HTT: variants seen among roughly 807,000 people sequenced by gnomAD.
The protein encoded by HTT is huntington disease protein.
HTT carries 104 observed loss-of-function variants against 362.3 expected under a neutral mutation model. The ratio of observed to expected loss-of-function variants is 0.29; its 90% CI spans 0.24 to 0.34. HTT has a LOEUF of 0.34. HTT is among the 10% of genes least tolerant of loss of function. The pLI is 1.00. For synonymous variants in HTT, 1,577 were observed against 1,548.7 expected (o/e 1.02, Z -0.43); for missense variants, 3,301 against 3,928.6 (o/e 0.84, Z 4.27).
intron 57 of HTT, 124 bp downstream of exon 57, chr4:3,225,867 A>G (rs1188872428): frequency 1.5e-6 from 1 of 660,308 alleles, no homozygotes; most frequent in African/African-American, 1.8e-5. Context: ...CTTTTTTTTA[A>G]AAAAAAATTT....
At position 3,187,901 on chromosome 4, in the gene HTT, T is replaced by A. The variant is rs1212591374; in HGVS notation, c.5225+15T>A. The A allele has an allele frequency of 5.9e-6, 9 of 1,518,198 alleles. No homozygotes were observed. Among genetic ancestry groups the A allele is most frequent in the Non-Finnish European group, 8.2e-6 (9 of 1,095,894 alleles). The allele number at this position is 1,518,198 out of a possible 1,614,324, so 94.0% of individuals were successfully genotyped here. On this transcript the variant is annotated intron_variant, in intron 39 of 66. Coordinates refer to ENST00000355072, the MANE Select transcript of HTT (RefSeq NM_001388492.1). The stretch of plus-strand genomic sequence containing the variant: ...ACATTTTCAAGGTATGCTTTCTATC[T>A]GAGCCTATAACTAACCCATGCCTTT...
intron 60 of HTT, among the ~76,000 whole-genome samples, chr4:3,232,139 G>A (rs1240412678): frequency 6.6e-6 from 1 of 152,180 alleles, no homozygotes; most frequent in Non-Finnish European, 1.5e-5. Flanking sequence ...GGGAGGGGCC[G>A]TGTGGCGTTG....
chr4:3,115,184 C>A, intron 6 of HTT, 120 bp from the exon 7 acceptor site: 1 of 1,046,464 alleles, frequency 9.6e-7, no homozygotes, highest in Non-Finnish European at 1.4e-6. Flanking sequence ...TAGGAAAAGC[C>A]TCAAACTGTT....
Position 3,172,892 on chromosome 4 carries a change from A to AT in HTT, c.3943-9dup, listed in dbSNP as rs764628038. The AT allele has an allele frequency of 8.8e-6, 14 of 1,594,646 alleles. No homozygotes were observed. Reference sequence around the variant, plus strand: ...GTTCACGCCACATTGTTGATGCCTCATTTTTTTCACTGTAGTTGTTGAAGA... The same window carrying AT: ...GTTCACGCCACATTGTTGATGCCTCATTTTTTTTCACTGTAGTTGTTGAAGA... On this transcript the variant is annotated splice_polypyrimidine_tract_variant and intron_variant, in intron 30 of 66. Transcript: ENST00000355072.
chr4:3,200,076 A>G, intron 41 of HTT, 137 bp downstream of exon 41: 1 of 681,780 alleles, frequency 1.5e-6, no homozygotes. Context: ...TTTCTGCTGC[A>G]TATTAATATT....
intron 40 of HTT, among the ~76,000 whole-genome samples, chr4:3,192,280 GT>G (rs1719046532): frequency 6.6e-6 from 1 of 152,132 alleles, no homozygotes; most frequent in Non-Finnish European, 1.5e-5. Context: ...GTCTTGCTGT[GT>G]TGCCCAGGCG....
intron 6 of HTT, among the ~76,000 whole-genome samples, chr4:3,112,050 A>G (rs1714781069): frequency 6.6e-6 from 1 of 152,110 alleles, no homozygotes; most frequent in African/African-American, 2.4e-5. Context: ...TAGCTTCCGA[A>G]GTTTTGTTGA....
chr4:3,237,801 C>G (rs921078141), intron 64 of HTT, among the ~76,000 whole-genome samples: 1 of 152,136 alleles, frequency 6.6e-6, no homozygotes, highest in African/African-American at 2.4e-5. Context: ...GGTTGCTTTT[C>G]AGCACTGAAA....
At chr4:3,120,265 A>G (rs28634516) in intron 8 of HTT, among the ~76,000 whole-genome samples, 8,732 of 152,328 alleles carry the variant, frequency 0.057, 432 homozygotes, top group African/African-American at 0.13. Context: ...TTTATGGTGT[A>G]AGTATATTCC....
chr4:3,215,355 A>G (rs1317563430), intron 51 of HTT, 144 bp downstream of exon 51: 2 of 628,198 alleles, frequency 3.2e-6, no homozygotes, highest in Non-Finnish European at 5.6e-6. Flanking sequence ...CCTAGCTGTC[A>G]GGGAGGCTGT....
At chr4:3,165,182 T>A (rs528481612) in intron 29 of HTT, among the ~76,000 whole-genome samples, 2 of 152,338 alleles carry the variant, frequency 1.3e-5, no homozygotes, top group Non-Finnish European at 2.9e-5. Context: ...CTTATGAAGC[T>A]TAGTTTGGCT....
chr4:3,134,147 C>T (rs778601112), intron 18 of HTT, among the ~76,000 whole-genome samples: 2 of 152,104 alleles, frequency 1.3e-5, no homozygotes, highest in Non-Finnish European at 2.9e-5. Flanking sequence ...AGAGTTGAAA[C>T]CATGACATAA....
At position 3,127,271 on chromosome 4, in the gene HTT, G is replaced by A. The variant is rs760866717; in HGVS notation, c.1410G>A (p.Val470=). The A allele has an allele frequency of 3.7e-6, 6 of 1,609,620 alleles. 1 individual carries two copies. Among genetic ancestry groups the A allele is most frequent in the Middle Eastern group, 1.6e-4 (1 of 6,070 alleles). ...DVSSSALTAS[V]KDEISGELAA... is the part of the protein sequence containing the mutation. ...GTGTTTCTCTGTCTTCAGCCTCAGT[G>A]AAGGATGAGATCAGTGGAGAGCTGG... Residue 470 remains valine, a synonymous_variant, in exon 12 of 67, where the codon GTG becomes GTA. Transcript: ENST00000355072.
At chr4:3,130,804 C>T (rs931482322) in intron 14 of HTT, among the ~76,000 whole-genome samples, 2 of 152,152 alleles carry the variant, frequency 1.3e-5, no homozygotes, top group Admixed American at 6.6e-5. Context: ...ACTGTCTTCA[C>T]TTTTAATTCC....
chr4:3,099,187 C>A, intron 2 of HTT, 87 bp from the exon 3 acceptor site: 1 of 832,942 alleles, frequency 1.2e-6, no homozygotes, highest in Non-Finnish European at 1.9e-6. Flanking sequence ...TTCCAGAATT[C>A]CATGCAGGAC....
At chr4:3,103,221 A>ATTTTTTTTTTT in intron 3 of HTT, among the ~76,000 whole-genome samples, 1 of 109,070 alleles carries the variant, frequency 9.2e-6, no homozygotes, top group Non-Finnish European at 1.8e-5. Context: ...TATATATATA[A>ATTTTTTTTTTT]TTTTTTTTTT....
chr4:3,179,571 G>T (rs1718399284), intron 35 of HTT, among the ~76,000 whole-genome samples: 1 of 152,016 alleles, frequency 6.6e-6, no homozygotes, highest in Non-Finnish European at 1.5e-5. Flanking sequence ...TTCACTGAGG[G>T]GTCAGAGGGT....
chr4:3,238,447 G>T lies in HTT; in HGVS notation c.8892G>T (p.Arg2964Ser). Residue 2964 changes from arginine (R) to serine (S), a missense_variant and splice_region_variant, in exon 65 of 67, where the codon AGG (arginine) becomes AGT (serine). Physicochemically the swap from Arg to Ser is moderately radical, Grantham distance 110. Coordinates refer to ENST00000355072, the MANE Select transcript of HTT (RefSeq NM_001388492.1). ...AMERVSVLFD[R>S]IRKGFPCEAR... is the part of the protein sequence containing the mutation. ...CTCTGACCTGCGTCCCTCCTCCCAG[G>T]ATCAGGAAAGGCTTTCCTTGTGAAG... The T allele has an allele frequency of 6.2e-7, 1 of 1,607,428 alleles. No individual in the cohort carries two copies. The highest frequency in any genetic ancestry group is 8.5e-7 in the Non-Finnish European group (1 of 1,176,690).
At chr4:3,089,511 C>T (rs1042101269) in intron 2 of HTT, among the ~76,000 whole-genome samples, 4 of 152,212 alleles carry the variant, frequency 2.6e-5, no homozygotes, top group African/African-American at 9.6e-5. Flanking sequence ...CCTCGGCCTC[C>T]CAAAGTGCTG....
Sources: allele counts gnomAD v4.1 joint callset (sites outside exome capture counted in the v4.1 genomes callset), GRCh38; gene constraint gnomAD v4.1.1; transcripts MANE v1.5; gene names NCBI Gene and HGNC (gene_info 2026-07-23, HGNC 2026-07-21).